PLCE1: variants seen among roughly 807,000 people sequenced by gnomAD.
The protein encoded by PLCE1 is 1-phosphatidylinositol 4,5-bisphosphate phosphodiesterase epsilon-1.
Under a neutral mutation model 242.8 loss-of-function variants are expected in PLCE1, and 119 were observed. That is an observed-to-expected ratio of 0.49 (90% CI 0.42 to 0.57). PLCE1 has a LOEUF of 0.57. Ranked by LOEUF, PLCE1 falls within the 20% of genes least tolerant of loss-of-function variation. The probability of loss-of-function intolerance (pLI) is 0.00; values close to 1 mark genes in which losing one functional copy is unlikely to be tolerated. For synonymous variants in PLCE1, 945 were observed against 1,017.4 expected (o/e 0.93, Z 1.35); for missense variants, 2,441 against 2,788.8 (o/e 0.88, Z 2.81).
At chr10:94,155,345 T>C (rs893681864) in intron 3 of PLCE1, among the ~76,000 whole-genome samples, 1 of 152,184 alleles carries the variant, frequency 6.6e-6, no homozygotes, top group Non-Finnish European at 1.5e-5. Flanking sequence ...TGATAAACCT[T>C]GAAATCATTA....
intron 2 of PLCE1, among the ~76,000 whole-genome samples, chr10:94,072,762 G>A (rs1282138290): frequency 2.0e-5 from 3 of 152,110 alleles, no homozygotes; most frequent in South Asian, 2.1e-4. Context: ...TTCAATAAGA[G>A]TTTTCTGTCT....
At chr10:94,026,241 C>T (rs1459782034) in intron 1 of PLCE1, among the ~76,000 whole-genome samples, 2 of 152,128 alleles carry the variant, frequency 1.3e-5, no homozygotes, top group Non-Finnish European at 2.9e-5. Flanking sequence ...CTAGAATTTC[C>T]AGCAATTCTT....
chr10:94,210,310 C>G lies in PLCE1; in HGVS notation c.1810-16996C>G, dbSNP rs561800708. Reference sequence around the variant, plus strand: ...TTTACTCCTCTGAGGTTAAAACTCACCCTTTCTCTACAAAAAAAGCAAGGC... The same window carrying G: ...TTTACTCCTCTGAGGTTAAAACTCAGCCTTTCTCTACAAAAAAAGCAAGGC... On this transcript the variant is annotated intron_variant, in intron 4 of 32. Coordinates refer to ENST00000371380, the MANE Select transcript of PLCE1 (RefSeq NM_016341.4). Among the ~76,000 whole-genome samples, 4 of 152,060 alleles carry G rather than the reference C, an allele frequency of 2.6e-5. No individual in the cohort carries two copies. The South Asian group carries it at 8.3e-4, about 32-fold the overall frequency.
intron 27 of PLCE1, among the ~76,000 whole-genome samples, chr10:94,311,143 C>A (rs889268335): frequency 2.6e-5 from 4 of 152,158 alleles, no homozygotes; most frequent in Non-Finnish European, 4.4e-5. Context: ...CCTCCCAGAA[C>A]CTCGATGTGT....
intron 1 of PLCE1, among the ~76,000 whole-genome samples, chr10:94,008,152 A>G (rs1389235536): frequency 1.4e-5 from 2 of 145,654 alleles, no homozygotes; most frequent in Non-Finnish European, 3.0e-5. Flanking sequence ...TGATTGTGCC[A>G]CTGCACTCCA....
chr10:94,268,865 G>T, intron 16 of PLCE1, 64 bp from the exon 17 acceptor site: 1 of 874,806 alleles, frequency 1.1e-6, no homozygotes, highest in Non-Finnish European at 2.0e-6. Context: ...CTACATGCTG[G>T]GTTTAGTTCG....
intron 22 of PLCE1, among the ~76,000 whole-genome samples, chr10:94,290,477 T>TA (rs2052606148): frequency 1.3e-5 from 2 of 151,198 alleles, no homozygotes; most frequent in South Asian, 4.2e-4. Flanking sequence ...TAAAAACAGA[T>TA]ACAAGCACCC....
chr10:94,114,475 A>G (rs2046055194), intron 2 of PLCE1, among the ~76,000 whole-genome samples: 1 of 152,130 alleles, frequency 6.6e-6, no homozygotes, highest in South Asian at 2.1e-4. Context: ...ATTCCCCTTG[A>G]CCTTTCCACG....
chr10:94,235,934 G>A lies in PLCE1; in HGVS notation c.2234G>A (p.Gly745Glu), dbSNP rs1480998769. 1 of 1,613,818 alleles carries A rather than the reference G, an allele frequency of 6.2e-7. No individual in the cohort carries two copies. Residue 745 changes from glycine to glutamate, a missense_variant, in exon 7 of 33, where the codon GGA (glycine) becomes GAA (glutamate). This residue lies in a region of PLCE1 where 733 missense variants were observed against 754.2 expected (regional missense o/e 0.97). Coordinates refer to ENST00000371380, the MANE Select transcript of PLCE1 (RefSeq NM_016341.4). ...TTGTAGTTTGTAGCAGATTACAGTG[G>A]ACAAGATAATTTCTTACAACGAGTG... ...ETLEFVADYS[G>E]QDNFLQRVGQ...
At chr10:94,269,177 C>T in intron 17 of PLCE1, 141 bp downstream of exon 17, 1 of 547,428 alleles carries the variant, frequency 1.8e-6, no homozygotes, top group South Asian at 1.8e-5. Context: ...TCTTGGCTCA[C>T]TGCAACCTCT....
intron 3 of PLCE1, among the ~76,000 whole-genome samples, chr10:94,144,203 C>T (rs2047050459): frequency 6.6e-6 from 1 of 152,120 alleles, no homozygotes; most frequent in African/African-American, 2.4e-5. Flanking sequence ...GTATTTGATC[C>T]TAAGCCTCTC....
At position 94,319,864 on chromosome 10, in the gene PLCE1, CTTTT is replaced by C. The variant is rs58610099; in HGVS notation, c.6343-2017_6343-2014del. 1.1e-3 allele frequency among the ~76,000 whole-genome samples: 105 copies of C among 92,932 alleles called. 1 individual carries two copies. Among genetic ancestry groups the C allele is most frequent in the Middle Eastern group, 7.7e-3 (1 of 130 alleles). 61.0% of individuals were successfully genotyped at this position (92,932 alleles called of 152,430 possible). A position where few individuals can be genotyped will look rare whatever the true frequency, so the allele number is the denominator to read the frequency against. ...GCTCTGAGGGAGGCTCAAAGGTGCT[CTTTT>C]TTTTTTTTTTTTTTTTTTTGAGATG... On this transcript the variant is annotated intron_variant, in intron 29 of 32. Coordinates refer to ENST00000371380, the MANE Select transcript of PLCE1 (RefSeq NM_016341.4).
intron 23 of PLCE1, among the ~76,000 whole-genome samples, chr10:94,294,576 G>C (rs958745451): frequency 3.9e-5 from 6 of 152,072 alleles, no homozygotes; most frequent in Admixed American, 1.3e-4. Flanking sequence ...ACATATAAAA[G>C]TTATGTCTAC....
chr10:94,254,861 C>A, intron 10 of PLCE1, 32 bp from the exon 11 acceptor site: 1 of 1,610,582 alleles, frequency 6.2e-7, no homozygotes, highest in Non-Finnish European at 8.5e-7. Flanking sequence ...TAATCTGAGT[C>A]ATTCTCTCTT....
chr10:94,126,580 G>T (rs905521557), intron 2 of PLCE1, among the ~76,000 whole-genome samples: 1 of 152,164 alleles, frequency 6.6e-6, no homozygotes, highest in African/African-American at 2.4e-5. Context: ...TGCTCACATA[G>T]CTGTCTAGCA....
intron 2 of PLCE1, among the ~76,000 whole-genome samples, chr10:94,085,614 A>T (rs1053137073): frequency 2.0e-5 from 3 of 152,214 alleles, no homozygotes; most frequent in African/African-American, 7.2e-5. Flanking sequence ...TTGTAGAAAC[A>T]TTCCCCAGCG....
rs754282711 is a variant in PLCE1 at position 94,304,504 on chromosome 10, T to G, written c.5481T>G (p.Ala1827=). 1 of 1,614,028 alleles carries G rather than the reference T, an allele frequency of 6.2e-7. No homozygotes were observed. The highest frequency in any genetic ancestry group is 1.7e-5 in the Admixed American group (1 of 60,006). Residue 1827 remains alanine (A), a synonymous_variant, in exon 25 of 33, where the codon GCT becomes GCG. Transcript: ENST00000371380. ...CAGATCTCCCTTTACATTTAAATGC[T>G]GCAATGTTTGAGGCAAATGGTGGTT... is the stretch of plus-strand genomic sequence containing the variant. ...QTDDLPLHLN[A]AMFEANGGCG...
chr10:94,247,380 T>A (rs1025196386), intron 8 of PLCE1, among the ~76,000 whole-genome samples: 3 of 151,936 alleles, frequency 2.0e-5, no homozygotes, highest in African/African-American at 7.2e-5. Flanking sequence ...ATCATTGTAG[T>A]TCTCCCATCT....
intron 2 of PLCE1, among the ~76,000 whole-genome samples, chr10:94,071,495 G>GTTTTGTTTTTT (rs2044352069): frequency 1.2e-5 from 1 of 83,316 alleles, no homozygotes; most frequent in African/African-American, 5.4e-5. Flanking sequence ...TTTGGTTTTC[G>GTTTTGTTTTTT]TTTTTTTTTT....
Sources: gnomAD v4.1 joint callset for allele counts (sites outside exome capture counted in the v4.1 genomes callset) on GRCh38, gnomAD v4.1.1 for gene constraint, gnomAD v4.1.1 regional missense constraint, MANE v1.5 for transcripts, NCBI Gene and HGNC (gene_info 2026-07-23, HGNC 2026-07-21) for gene names.